The following TP63 variants were observed in gnomAD, a reference collection of about 807,000 sequenced individuals.
TP63 encodes tumor protein 63.
TP63 carries 17 observed loss-of-function variants against 82.8 expected under a neutral mutation model. That is an observed-to-expected ratio of 0.21 (90% confidence interval 0.14 to 0.31). The LOEUF (loss-of-function observed/expected upper bound fraction) is 0.31, where lower values mean the gene tolerates loss of function less well. Ranked by LOEUF, TP63 falls within the 10% of genes least tolerant of loss-of-function variation. The pLI is 1.00. For missense variants in TP63, 648 were observed against 895.3 expected (o/e 0.72, Z 3.52); for synonymous variants, 330 against 321.7 (o/e 1.03, Z -0.28).
intron 1 of TP63, among the ~76,000 whole-genome samples, chr3:189,725,517 TA>T (rs1560137264): frequency 1.3e-5 from 2 of 152,218 alleles, no homozygotes; most frequent in African/African-American, 4.8e-5. Flanking sequence ...AAGTACATTT[TA>T]AAGACTCTGA....
chr3:189,749,174 CTATT>C (rs570389671), intron 3 of TP63, among the ~76,000 whole-genome samples: 45 of 152,016 alleles, frequency 3.0e-4, no homozygotes, highest in African/African-American at 1.1e-3. Flanking sequence ...ACAAATGGGA[CTATT>C]TAAACTAAAA....
At chr3:189,883,458 A>G (rs543733865) in intron 10 of TP63, among the ~76,000 whole-genome samples, 1 of 152,216 alleles carries the variant, frequency 6.6e-6, no homozygotes, top group Non-Finnish European at 1.5e-5. Flanking sequence ...TAAGAATCCA[A>G]CTCACCTCTG....
rs10714778 is a variant in TP63 at position 189,864,541 on chromosome 3, CTTTTTTTTTTTTTT to C, written c.766+134_766+147del. Reference sequence around the variant, plus strand: ...GCACTCCGATGGCAGATCAGTCTGCCTTTTTTTTTTTTTTTTTTTTTTTTGGCTGACAGTATCTA... The same window carrying C: ...GCACTCCGATGGCAGATCAGTCTGCCTTTTTTTTTTGGCTGACAGTATCTA... On this transcript the variant is annotated intron_variant, in intron 5 of 13. Coordinates refer to ENST00000264731, the MANE Select transcript of TP63 (RefSeq NM_003722.5). The C allele has an allele frequency of 2.8e-4, 61 of 215,504 alleles. No individual in the cohort carries two copies. The South Asian group carries it at 3.2e-3, about 11-fold the overall frequency. 13.3% of individuals were successfully genotyped at this position (215,504 alleles called of 1,614,324 possible). A position where few individuals can be genotyped will look rare whatever the true frequency, so the allele number is the denominator to read the frequency against.
intron 1 of TP63, among the ~76,000 whole-genome samples, chr3:189,724,360 A>G (rs1376200515): frequency 1.3e-5 from 2 of 152,174 alleles, no homozygotes; most frequent in Non-Finnish European, 2.9e-5. Flanking sequence ...ATTGGGGAAC[A>G]GGTAGTGTTT....
chr3:189,829,040 G>C (rs1005607316), intron 4 of TP63, among the ~76,000 whole-genome samples: 1 of 152,074 alleles, frequency 6.6e-6, no homozygotes, highest in Non-Finnish European at 1.5e-5. Flanking sequence ...AAATCTCTTT[G>C]TTCTTTTTTG....
chr3:189,708,603 C>T (rs1050956018), intron 1 of TP63, among the ~76,000 whole-genome samples: 4 of 152,182 alleles, frequency 2.6e-5, no homozygotes, highest in African/African-American at 9.6e-5. Flanking sequence ...TTGCTGACCA[C>T]GAATGAACAG....
chr3:189,690,987 T>C (rs1167084630), intron 1 of TP63, among the ~76,000 whole-genome samples: 2 of 152,096 alleles, frequency 1.3e-5, no homozygotes, highest in Non-Finnish European at 2.9e-5. Flanking sequence ...TATAGAGTGA[T>C]TTAAATTATT....
chr3:189,696,070 C>T (rs1294129347), intron 1 of TP63, among the ~76,000 whole-genome samples: 2 of 152,090 alleles, frequency 1.3e-5, no homozygotes. Flanking sequence ...TTAATTTGCA[C>T]ACATTAAGGT....
At chr3:189,785,626 G>A (rs1724544823) in intron 3 of TP63, among the ~76,000 whole-genome samples, 1 of 151,952 alleles carries the variant, frequency 6.6e-6, no homozygotes, top group Non-Finnish European at 1.5e-5. Context: ...ATGAACAGAA[G>A]GACAAAAATA....
At chr3:189,751,200 T>C (rs1364184813) in intron 3 of TP63, among the ~76,000 whole-genome samples, 1 of 152,260 alleles carries the variant, frequency 6.6e-6, no homozygotes, top group Non-Finnish European at 1.5e-5. Flanking sequence ...GTGCCACATT[T>C]TCTTAGTCCA....
chr3:189,826,781 T>C (rs1021868867), intron 4 of TP63, among the ~76,000 whole-genome samples: 2 of 152,208 alleles, frequency 1.3e-5, no homozygotes, highest in Admixed American at 6.5e-5. Flanking sequence ...ATGGTATGCA[T>C]GTGCACACAT....
intron 3 of TP63, among the ~76,000 whole-genome samples, chr3:189,788,259 T>G (rs931017304): frequency 5.3e-5 from 8 of 151,798 alleles, no homozygotes; most frequent in Non-Finnish European, 8.8e-5. Flanking sequence ...ATTATGGGAG[T>G]TTTTTGGTTT....
chr3:189,868,712 G>T lies in TP63; in HGVS notation c.1125G>T (p.Lys375Asn). ...GTACAAAGAACGGTGATGGTACGAA[G>T]CGCCGTAAGTAGATGTAGTGGCCAA... is the stretch of plus-strand genomic sequence containing the variant. ...SDSTKNGDGT[K>N]RPFRQNTHGI... The change falls in exon 8 of 14, where the codon AAG becomes AAT. Residue 375 changes from lysine (K) to asparagine (N), a missense_variant. Around this residue, in one of 5 missense-constraint regions of TP63, gnomAD observed 342 missense variants for 425.7 expected, o/e 0.80. Transcript: ENST00000264731. The T allele has an allele frequency of 6.2e-7, 1 of 1,614,050 alleles. No homozygotes were observed. Among genetic ancestry groups the T allele is most frequent in the Non-Finnish European group, 8.5e-7 (1 of 1,179,952 alleles).
rs71175304 is a variant in TP63, at chr3:189,694,790, C to CTTTTTTTTTTTTTTTT, written c.63-42932_63-42917dup. On this transcript the variant is annotated intron_variant, in intron 1 of 13. Coordinates refer to ENST00000264731, the MANE Select transcript of TP63 (RefSeq NM_003722.5). ...TTGAAAGGAGGCCAGTATTTACAGCCTTTTTTTTTTTTTTTTTTTTTTTTT... is the reference window on the plus strand; with the variant it reads ...TTGAAAGGAGGCCAGTATTTACAGCCTTTTTTTTTTTTTTTTTTTTTTTTTTTTTTTTTTTTTTTTT... Among the ~76,000 whole-genome samples, 60 of 32,756 alleles carry CTTTTTTTTTTTTTTTT rather than the reference C, an allele frequency of 1.8e-3. 20 individuals carry two copies. The highest frequency in any genetic ancestry group is 4.3e-3 in the Admixed American group (6 of 1,408). The allele number at this position is 32,756 out of a possible 152,430, so 21.5% of individuals were successfully genotyped here.
rs2108638486 is a variant in TP63 at position 189,808,480 on chromosome 3, A to T, written c.533A>T (p.Asp178Val). 6.2e-7 allele frequency: 1 copy of T among 1,614,102 alleles called. No individual in the cohort carries two copies. The highest frequency in any genetic ancestry group is 8.5e-7 in the Non-Finnish European group (1 of 1,180,022). ...NTDYPGPHSF[D>V]VSFQQSSTAK... ...GACTACCCAGGCCCGCACAGTTTCGACGTGTCCTTCCAGCAGTCGAGCACC... is the reference window on the plus strand; with the variant it reads ...GACTACCCAGGCCCGCACAGTTTCGTCGTGTCCTTCCAGCAGTCGAGCACC... The change falls in exon 4 of 14, where the codon GAC becomes GTC. Residue 178 changes from aspartate (D) to valine (V), a missense_variant. By Grantham distance (152) the Asp-to-Val change is radical. Coordinates refer to ENST00000264731, the MANE Select transcript of TP63 (RefSeq NM_003722.5).
chr3:189,840,472 G>A (rs1713909041), intron 4 of TP63, among the ~76,000 whole-genome samples: 1 of 139,152 alleles, frequency 7.2e-6, no homozygotes, highest in Non-Finnish European at 1.6e-5. Flanking sequence ...GTACGTGTGT[G>A]TGTGTGTTTA....
rs934470631 is a variant in TP63 at position 189,739,433 on chromosome 3, A to T, written c.324+659A>T. Among the ~76,000 whole-genome samples, 6 of 152,236 alleles carry T rather than the reference A, an allele frequency of 3.9e-5. No homozygotes were observed. The East Asian group carries it at 9.7e-4, about 24-fold the overall frequency. ...GGCTGGCAAAGAATCAGATTTTTAG[A>T]TCTGAATCCTATCCAGGGCACTTCC... On this transcript the variant is annotated intron_variant, in intron 3 of 13. Coordinates refer to ENST00000264731, the MANE Select transcript of TP63 (RefSeq NM_003722.5).
intron 4 of TP63, among the ~76,000 whole-genome samples, chr3:189,839,148 G>T (rs908901445): frequency 6.6e-6 from 1 of 150,520 alleles, no homozygotes; most frequent in Non-Finnish European, 1.5e-5. Context: ...CATTTTCCTC[G>T]TTTTTAAATC....
chr3:189,624,634 C>T, the TP63 span, among the ~76,000 whole-genome samples: 1 of 152,126 alleles, frequency 6.6e-6, no homozygotes, highest in Non-Finnish European at 1.5e-5. Context: ...TTCATGCATT[C>T]TCATCATAAA....
Sources: gnomAD v4.1 joint callset for allele counts (sites outside exome capture counted in the v4.1 genomes callset) on GRCh38, gnomAD v4.1.1 for gene constraint, gnomAD v4.1.1 regional missense constraint, MANE v1.5 for transcripts, NCBI Gene and HGNC (gene_info 2026-07-23, HGNC 2026-07-21) for gene names.